PRRX1: variants seen among roughly 807,000 people sequenced by gnomAD.
PRRX1 encodes paired related homeobox 1.
In PRRX1, 8 loss-of-function variants were observed where a neutral mutation model predicts 24.0. The observed-to-expected ratio is 0.33, with a 90% confidence interval of 0.20 to 0.60. PRRX1 has a LOEUF of 0.60. PRRX1 is among the 20% of genes least tolerant of loss of function. The probability of loss-of-function intolerance (pLI) is 0.82; values close to 1 mark genes in which losing one functional copy is unlikely to be tolerated. For missense variants in PRRX1, 281 were observed against 322.4 expected, an observed-to-expected ratio of 0.87 and a Z score of 0.98; for synonymous variants, 160 against 131.7, an observed-to-expected ratio of 1.22 and a Z score of -1.47.
chr1:170,729,399 T>A (rs1655358178), intron 3 of PRRX1, among the ~76,000 whole-genome samples: 2 of 152,106 alleles, frequency 1.3e-5, no homozygotes, highest in African/African-American at 4.8e-5. Context: ...TTTTGCTGAC[T>A]TCCACAGTTA....
At chr1:170,679,447 T>C (rs1402727166) in intron 1 of PRRX1, among the ~76,000 whole-genome samples, 1 of 152,180 alleles carries the variant, frequency 6.6e-6, no homozygotes, top group East Asian at 1.9e-4. Flanking sequence ...TTGCCCAGGC[T>C]GGAGTGCAGT....
At chr1:170,728,593 TA>T (rs1445777405) in intron 3 of PRRX1, 1 of 152,238 alleles carries the variant, frequency 6.6e-6, no homozygotes, top group Non-Finnish European at 1.5e-5. Context: ...ATTGGATTTG[TA>T]AAAATTAATT....
chr1:170,695,544 A>T (rs1437858254), intron 1 of PRRX1, among the ~76,000 whole-genome samples: 1 of 152,208 alleles, frequency 6.6e-6, no homozygotes, highest in Non-Finnish European at 1.5e-5. Context: ...TGGGATCCTC[A>T]GTCACAGTTG....
chr1:170,689,845 T>TCC (rs1653875887), intron 1 of PRRX1, among the ~76,000 whole-genome samples: 3 of 133,896 alleles, frequency 2.2e-5, no homozygotes, highest in African/African-American at 9.6e-5. Flanking sequence ...TCTCCCTCTC[T>TCC]CTCTCTCTCT....
intron 1 of PRRX1, among the ~76,000 whole-genome samples, chr1:170,682,856 A>G (rs886802417): frequency 6.6e-6 from 1 of 152,272 alleles, no homozygotes; most frequent in Non-Finnish European, 1.5e-5. Flanking sequence ...GGAATATGAA[A>G]GAAAAGAAGG....
chr1:170,668,191 T>C (rs1415560664), intron 1 of PRRX1: 1 of 152,198 alleles, frequency 6.6e-6, no homozygotes, highest in Non-Finnish European at 1.5e-5. Context: ...GGAGTGTGAA[T>C]GGGGGTGGTG....
chr1:170,736,258 C>T lies in PRRX1; in HGVS notation c.*72C>T. ...AGACACCTATCCTGCTCTGTTATTT[C>T]TTCATCTGCTGGGGGGAAAAAGTAA... is the stretch of plus-strand genomic sequence containing the variant. On this transcript the variant is annotated 3_prime_UTR_variant, in exon 4 of 4. Coordinates refer to ENST00000239461, the MANE Select transcript of PRRX1 (RefSeq NM_022716.4). 6.3e-7 allele frequency: 1 copy of T among 1,577,298 alleles called. No individual in the cohort carries two copies. Among genetic ancestry groups the T allele is most frequent in the Non-Finnish European group, 8.7e-7 (1 of 1,149,744 alleles).
chr1:170,680,293 G>A (rs937799643), intron 1 of PRRX1, among the ~76,000 whole-genome samples: 17 of 152,190 alleles, frequency 1.1e-4, no homozygotes, highest in African/African-American at 4.1e-4. Flanking sequence ...ATTTAGAAAA[G>A]CAGGATAAGT....
chr1:170,724,599 TAC>T (rs1655192747), intron 2 of PRRX1, among the ~76,000 whole-genome samples: 2 of 152,194 alleles, frequency 1.3e-5, no homozygotes, highest in Non-Finnish European at 2.9e-5. Flanking sequence ...GTTGTAAATG[TAC>T]AGTCTTTTCT....
At chr1:170,677,801 A>G (rs1653373053) in intron 1 of PRRX1, among the ~76,000 whole-genome samples, 1 of 152,180 alleles carries the variant, frequency 6.6e-6, no homozygotes, top group African/African-American at 2.4e-5. Context: ...AGATCATTTT[A>G]TATTTTTGGA....
intron 1 of PRRX1, among the ~76,000 whole-genome samples, chr1:170,670,742 G>A (rs1346060220): frequency 1.3e-5 from 2 of 152,072 alleles, no homozygotes; most frequent in Non-Finnish European, 2.9e-5. Flanking sequence ...CGTAGGGGAG[G>A]GGAATTAAGG....
At chr1:170,689,845 T>C (rs868429664) in intron 1 of PRRX1, among the ~76,000 whole-genome samples, 219 of 133,954 alleles carry the variant, frequency 1.6e-3, no homozygotes, top group African/African-American at 4.7e-3. Flanking sequence ...TCTCCCTCTC[T>C]CTCTCTCTCT....
chr1:170,695,081 G>A (rs1178282639), intron 1 of PRRX1, among the ~76,000 whole-genome samples: 1 of 152,130 alleles, frequency 6.6e-6, no homozygotes, highest in African/African-American at 2.4e-5. Flanking sequence ...GGTGGAGATG[G>A]TTTGCTAAAT....
intron 2 of PRRX1, among the ~76,000 whole-genome samples, chr1:170,723,122 A>G (rs990969256): frequency 6.6e-6 from 1 of 152,226 alleles, no homozygotes; most frequent in African/African-American, 2.4e-5. Context: ...AGGTGATTGT[A>G]TTAACATTTA....
intron 1 of PRRX1, among the ~76,000 whole-genome samples, chr1:170,696,966 G>A (rs1385085041): frequency 6.6e-6 from 1 of 152,148 alleles, no homozygotes; most frequent in Non-Finnish European, 1.5e-5. Flanking sequence ...CCAAACTCCT[G>A]TGATTTTTGG....
intron 1 of PRRX1, among the ~76,000 whole-genome samples, chr1:170,708,879 T>C (rs536597312): frequency 6.6e-6 from 1 of 152,322 alleles, no homozygotes; most frequent in Admixed American, 6.5e-5. Context: ...AAATTTTGTG[T>C]GTCAAGACCT....
upstream of PRRX1, chr1:170,663,074 C>G (rs1302250425): frequency 6.6e-6 from 1 of 151,536 alleles, no homozygotes; most frequent in Non-Finnish European, 1.5e-5. Context: ...TCCTCCCTCC[C>G]TCCCTCCCTC....
At chr1:170,668,628 C>CG (rs1375526517) in intron 1 of PRRX1, 1 of 152,228 alleles carries the variant, frequency 6.6e-6, no homozygotes, top group African/African-American at 2.4e-5. Flanking sequence ...CACACTCTCT[C>CG]GGGACCTTGC....
chr1:170,666,417 C>CAAA (rs35075394), intron 1 of PRRX1, among the ~76,000 whole-genome samples: 10,641 of 75,686 alleles, frequency 0.14, 1,243 homozygotes, highest in East Asian at 0.19. Flanking sequence ...GACTCCGTCT[C>CAAA]AAAAAAAAAA....
Sources: allele counts gnomAD v4.1 joint callset (sites outside exome capture counted in the v4.1 genomes callset), GRCh38; gene constraint gnomAD v4.1.1; transcripts MANE v1.5; gene names NCBI Gene and HGNC (gene_info 2026-07-23, HGNC 2026-07-21).